The following ZNF831 variants were observed in gnomAD, a reference collection of about 807,000 sequenced individuals.
The protein encoded by ZNF831 is chromosome 20 open reading frame 174.
ZNF831 carries 59 observed loss-of-function variants against 95.8 expected under a neutral mutation model. The observed-to-expected ratio is 0.62, with a 90% CI of 0.50 to 0.77. The LOEUF (loss-of-function observed/expected upper bound fraction) is 0.77, where lower values mean the gene tolerates loss of function less well. ZNF831 is among the 30% of genes least tolerant of loss of function. The pLI, the probability that ZNF831 is intolerant of heterozygous loss-of-function variation, is 0.00. For missense variants in ZNF831, 2,205 were observed against 2,164.0 expected, an observed-to-expected ratio of 1.02 and a Z score of -0.38; for synonymous variants, 961 against 925.5, an observed-to-expected ratio of 1.04 and a Z score of -0.70.
Position 59,217,667 on chromosome 20 carries a change from C to A in ZNF831, c.4027+10611C>A, listed in dbSNP as rs1474653547. 1.3e-5 allele frequency among the ~76,000 whole-genome samples: 2 copies of A among 152,148 alleles called. No individual in the cohort carries two copies. The highest frequency in any genetic ancestry group is 2.4e-5 in the African/African-American group (1 of 41,426). Reference sequence around the variant, plus strand: ...TATGCCTGTGGATGGGAGGGCCTTTCCAGCCCTCCTTGATTCTCACTAGGG... The same window carrying A: ...TATGCCTGTGGATGGGAGGGCCTTTACAGCCCTCCTTGATTCTCACTAGGG... On this transcript the variant is annotated intron_variant, in intron 4 of 5. Transcript: ENST00000371030. This position sits in a 1 kb window ranked among gnomAD's most constrained non-coding sequence, Gnocchi z 4.4.
chr20:59,205,488 AAC>A (rs1984830674), intron 3 of ZNF831, among the ~76,000 whole-genome samples: 1 of 152,204 alleles, frequency 6.6e-6, no homozygotes, highest in Non-Finnish European at 1.5e-5. Context: ...GCTTCTCCCA[AAC>A]ACAGAGGCCG....
At chr20:59,209,028 G>T (rs944798770) in intron 4 of ZNF831, among the ~76,000 whole-genome samples, 1 of 152,148 alleles carries the variant, frequency 6.6e-6, no homozygotes, top group Non-Finnish European at 1.5e-5. Flanking sequence ...GGTGACCCCT[G>T]GTCTCGATAA....
In ZNF831 at chr20:59,255,908, C is replaced by G. The variant is rs780001682; in HGVS notation, c.*1165C>G. On this transcript the variant is annotated 3_prime_UTR_variant, in exon 6 of 6. Coordinates refer to ENST00000371030, the MANE Select transcript of ZNF831 (RefSeq NM_178457.3). ...CCCTGTGCAGAAGAAAACAGATCTA[C>G]GTCAGCCAGCCCGGGGGGCAAAGCC... 1.3e-5 allele frequency: 2 copies of G among 152,212 alleles called. No homozygotes were observed. 9.4% of individuals were successfully genotyped at this position (152,212 alleles called of 1,614,324 possible).
At chr20:59,132,238 C>T (rs182738657) in intron 1 of ZNF831, among the ~76,000 whole-genome samples, 14 of 150,854 alleles carry the variant, frequency 9.3e-5, no homozygotes, top group Admixed American at 6.6e-4. Context: ...TGCATTTCAG[C>T]GATGTCCCAT....
At chr20:59,221,559 A>T (rs1309112454) in intron 4 of ZNF831, among the ~76,000 whole-genome samples, 2 of 152,210 alleles carry the variant, frequency 1.3e-5, no homozygotes, top group Non-Finnish European at 2.9e-5. Flanking sequence ...AGTTTCCTCC[A>T]AATGTTTTTC....
chr20:59,161,421 G>A (rs1444198008), upstream of ZNF831, among the ~76,000 whole-genome samples: 1 of 152,120 alleles, frequency 6.6e-6, no homozygotes, highest in Non-Finnish European at 1.5e-5. Flanking sequence ...GGGACTACAG[G>A]TGTGCACCAC....
At position 59,192,195 on chromosome 20, in the gene ZNF831, G is replaced by T. The variant is rs778166796; in HGVS notation, c.1176G>T (p.Ala392=). The change falls in exon 2 of 6, where the codon GCG becomes GCT. Residue 392 remains alanine (A), a synonymous_variant. Transcript: ENST00000371030. The surrounding 1 kb of genome is among the most constrained non-coding windows in gnomAD (Gnocchi z 5.2). ...GPGVAGAEPG[A]REAGLELEKK... is the part of the protein sequence containing the mutation. ...GGGTCGCAGGGGCCGAGCCCGGGGC[G>T]CGAGAAGCCGGCCTGGAGCTGGAGA... is the stretch of plus-strand genomic sequence containing the variant. The T allele has an allele frequency of 6.4e-7, 1 of 1,573,850 alleles. No individual in the cohort carries two copies. Among genetic ancestry groups the T allele is most frequent in the Non-Finnish European group, 8.6e-7 (1 of 1,161,748 alleles).
intron 4 of ZNF831, among the ~76,000 whole-genome samples, chr20:59,219,921 G>C (rs1349663582): frequency 6.6e-6 from 1 of 152,094 alleles, no homozygotes; most frequent in East Asian, 1.9e-4. Flanking sequence ...TGGGCAGGTG[G>C]GTGGGTAGGA....
Position 59,194,152 on chromosome 20 carries a change from C to G in ZNF831, c.3133C>G (p.Pro1045Ala), listed in dbSNP as rs1200560909. ...AGCCAGGGAGTTGCCCATCTCAGCA[C>G]CAGGGGCTCCCAGGGAGGCTACCTC... is the stretch of plus-strand genomic sequence containing the variant. ...PAARELPISA[P>A]GAPREATSSP... is the part of the protein sequence containing the mutation. The change falls in exon 2 of 6, where the codon CCA becomes GCA. Residue 1045 changes from proline (P) to alanine (A), a missense_variant. Transcript: ENST00000371030. 1.3e-6 allele frequency: 2 copies of G among 1,576,204 alleles called. No individual in the cohort carries two copies. The highest frequency in any genetic ancestry group is 1.2e-5 in the South Asian group (1 of 83,848).
chr20:59,197,667 A>G (rs551286614), intron 3 of ZNF831, among the ~76,000 whole-genome samples: 1 of 152,256 alleles, frequency 6.6e-6, no homozygotes, highest in East Asian at 1.9e-4. Context: ...CAGGGTCCTG[A>G]GACAGAAGCC....
chr20:59,126,592 T>C (rs1048622537), intron 1 of ZNF831, among the ~76,000 whole-genome samples: 23 of 152,240 alleles, frequency 1.5e-4, no homozygotes, highest in African/African-American at 5.5e-4. Context: ...AAGAGTTGCC[T>C]GCTCCCGTCT....
intron 4 of ZNF831, among the ~76,000 whole-genome samples, chr20:59,216,284 C>T (rs1233948919): frequency 6.6e-6 from 1 of 152,202 alleles, no homozygotes; most frequent in Non-Finnish European, 1.5e-5. Flanking sequence ...ACCAATTCAG[C>T]AGAATTGACT....
intron 1 of ZNF831, among the ~76,000 whole-genome samples, chr20:59,127,749 G>C (rs1449138032): frequency 6.6e-6 from 1 of 152,216 alleles, no homozygotes; most frequent in Non-Finnish European, 1.5e-5. Flanking sequence ...GGGTTGTTTT[G>C]GTTCCTGTAG....
intron 1 of ZNF831, among the ~76,000 whole-genome samples, chr20:59,129,114 T>A (rs993448775): frequency 1.3e-5 from 2 of 152,116 alleles, no homozygotes; most frequent in Non-Finnish European, 2.9e-5. Context: ...TGGTGCAGAG[T>A]TTTCCCGTGG....
chr20:59,184,601 T>C (rs1365665465), intron 1 of ZNF831, among the ~76,000 whole-genome samples: 1 of 152,192 alleles, frequency 6.6e-6, no homozygotes, highest in Non-Finnish European at 1.5e-5. Flanking sequence ...GTGGTCCCCA[T>C]ACGTGGCGGA....
At chr20:59,124,165 G>C (rs905566946) in intron 1 of ZNF831, among the ~76,000 whole-genome samples, 1 of 152,124 alleles carries the variant, frequency 6.6e-6, no homozygotes, top group South Asian at 2.1e-4. Context: ...TCCTATGGCC[G>C]TTTCTTTTCC....
intron 1 of ZNF831, among the ~76,000 whole-genome samples, chr20:59,125,784 T>C (rs1009697485): frequency 5.3e-5 from 8 of 152,186 alleles, no homozygotes; most frequent in African/African-American, 1.7e-4. Context: ...CGTGTTTGGG[T>C]ACCACATCGA....
At chr20:59,185,684 A>G (rs1982969577) in intron 1 of ZNF831, among the ~76,000 whole-genome samples, 1 of 152,122 alleles carries the variant, frequency 6.6e-6, no homozygotes, top group East Asian at 1.9e-4. Context: ...CGGGCTGTTG[A>G]TGCTCTGTGT....
intron 1 of ZNF831, among the ~76,000 whole-genome samples, chr20:59,128,043 C>T (rs372387040): frequency 1.8e-3 from 275 of 152,292 alleles, no homozygotes; most frequent in Middle Eastern, 6.8e-3. Flanking sequence ...TGCAACCGTG[C>T]GTGTGCAGCA....
Sources: allele counts gnomAD v4.1 joint callset (sites outside exome capture counted in the v4.1 genomes callset), GRCh38; gene constraint gnomAD v4.1.1; non-coding constraint Gnocchi (gnomAD v3.1); transcripts MANE v1.5; gene names NCBI Gene and HGNC (gene_info 2026-07-23, HGNC 2026-07-21).